The following RARB variants were observed in gnomAD, a reference collection of about 807,000 sequenced individuals.
RARB encodes the protein retinoic acid receptor beta, also known as HBV-activated protein.
In RARB, 17 loss-of-function variants were observed where a neutral mutation model predicts 51.9. The ratio of observed to expected loss-of-function variants is 0.33; its 90% CI spans 0.22 to 0.49. RARB has a LOEUF of 0.49. Among genes scored for constraint, RARB ranks in the 20% least tolerant of loss-of-function variants. The pLI is 0.99. For missense variants in RARB, 369 were observed against 550.8 expected, an observed-to-expected ratio of 0.67 and a Z score of 3.30; for synonymous variants, 215 against 195.4, an observed-to-expected ratio of 1.10 and a Z score of -0.84.
intron 5 of RARB, among the ~76,000 whole-genome samples, chr3:25,312,384 T>C (rs1447155181): frequency 6.6e-6 from 1 of 151,944 alleles, no homozygotes; most frequent in East Asian, 1.9e-4. Flanking sequence ...GATAAAGACC[T>C]AAGATTTTGA....
chr3:25,522,587 G>A lies in RARB; in HGVS notation c.448+21264G>A, dbSNP rs77946422. ...TAAAGTGTTGCCTGCTTGTTTGAGA[G>A]CAAATTTGGAGGTGGGAGGTAAAGA... is the stretch of plus-strand genomic sequence containing the variant. On this transcript the variant is annotated intron_variant, in intron 3 of 7. Transcript: ENST00000330688. Among the ~76,000 whole-genome samples the A allele has an allele frequency of 4.8e-3, 732 of 152,258 alleles. 7 individuals carry two copies. Among genetic ancestry groups the A allele is most frequent in the African/African-American group, 0.017 (693 of 41,536 alleles).
intron 3 of RARB, among the ~76,000 whole-genome samples, chr3:25,106,963 C>T (rs556081084): frequency 4.6e-5 from 7 of 151,842 alleles, no homozygotes; most frequent in East Asian, 1.9e-4. Context: ...TCCAGTGGCA[C>T]GATCTCAGCT....
At chr3:25,030,902 A>G (rs1326949233) in intron 2 of RARB, among the ~76,000 whole-genome samples, 1 of 152,174 alleles carries the variant, frequency 6.6e-6, no homozygotes, top group Non-Finnish European at 1.5e-5. Flanking sequence ...CCCTTTCAAC[A>G]GGGGCAGGCA....
intron 2 of RARB, among the ~76,000 whole-genome samples, chr3:24,905,007 G>A (rs1174169082): frequency 6.6e-6 from 1 of 151,894 alleles, no homozygotes. Flanking sequence ...ACAAGGGGAG[G>A]GATAGTATTA....
chr3:24,863,951 C>T (rs760712833), intron 2 of RARB, among the ~76,000 whole-genome samples: 4 of 152,024 alleles, frequency 2.6e-5, no homozygotes, highest in African/African-American at 4.8e-5. Context: ...AGGCTCTTGG[C>T]GCCACCCTAT....
At chr3:25,040,433 T>C (rs527540854) in intron 2 of RARB, among the ~76,000 whole-genome samples, 105 of 152,212 alleles carry the variant, frequency 6.9e-4, no homozygotes, top group African/African-American at 2.0e-3. Context: ...GTCCTTGATA[T>C]ATTAGAATTC....
chr3:25,192,760 G>GA (rs372642257), intron 5 of RARB, among the ~76,000 whole-genome samples: 4 of 152,088 alleles, frequency 2.6e-5, no homozygotes, highest in African/African-American at 9.6e-5. Context: ...TTGTTCTGTT[G>GA]AAAACACCAG....
chr3:25,561,336 C>T (rs1700260395), intron 3 of RARB, among the ~76,000 whole-genome samples: 1 of 152,172 alleles, frequency 6.6e-6, no homozygotes, highest in Non-Finnish European at 1.5e-5. Context: ...GGCATTTGGG[C>T]ACGTGTTACT....
chr3:24,867,512 C>T (rs2885593), intron 2 of RARB, among the ~76,000 whole-genome samples: 109,894 of 152,080 alleles, frequency 0.72, 40,680 homozygotes, highest in East Asian at 0.89. Flanking sequence ...TTTGAAGTAA[C>T]GACTGTTCAT....
intron 3 of RARB, among the ~76,000 whole-genome samples, chr3:25,118,321 T>A (rs1458554623): frequency 1.3e-5 from 2 of 152,154 alleles, no homozygotes; most frequent in African/African-American, 4.8e-5. Flanking sequence ...AGGTTCAACC[T>A]GATGTGGTCC....
chr3:25,597,624 G>A lies in RARB; in HGVS notation c.*1008G>A, dbSNP rs1162442096. 2 of 150,460 alleles carry A rather than the reference G, an allele frequency of 1.3e-5. No individual in the cohort carries two copies. Among genetic ancestry groups the A allele is most frequent in the Non-Finnish European group, 3.0e-5 (2 of 67,134 alleles). The allele number at this position is 150,460 out of a possible 1,614,324, so 9.3% of individuals were successfully genotyped here. The stretch of plus-strand genomic sequence containing the variant: ...TTTCCAGCCTTCTTGATGCCAAGGG[G>A]CTAATTAATATTAACAACTCCCAAA... On this transcript the variant is annotated 3_prime_UTR_variant, in exon 8 of 8. Coordinates refer to ENST00000330688, the MANE Select transcript of RARB (RefSeq NM_000965.5).
intron 5 of RARB, among the ~76,000 whole-genome samples, chr3:25,391,976 C>T (rs1329509550): frequency 6.6e-6 from 1 of 152,162 alleles, no homozygotes; most frequent in Non-Finnish European, 1.5e-5. Flanking sequence ...AAGCCAATGT[C>T]TAGAATGGTT....
At chr3:25,269,491 A>G (rs1025327870) in intron 5 of RARB, among the ~76,000 whole-genome samples, 3 of 152,142 alleles carry the variant, frequency 2.0e-5, no homozygotes, top group Non-Finnish European at 4.4e-5. Context: ...GCTTGTTTAT[A>G]CTTCAATTTC....
intron 2 of RARB, among the ~76,000 whole-genome samples, chr3:24,988,419 T>C (rs942499849): frequency 3.9e-5 from 6 of 152,190 alleles, no homozygotes; most frequent in African/African-American, 1.4e-4. Context: ...ATTTAACATG[T>C]TCTTTTCTAC....
At chr3:25,167,604 C>G (rs1487533516) in intron 4 of RARB, among the ~76,000 whole-genome samples, 1 of 152,118 alleles carries the variant, frequency 6.6e-6, no homozygotes, top group Non-Finnish European at 1.5e-5. Context: ...TGTAAGTAAG[C>G]AGAAGATAAA....
rs188773661 is a variant in RARB at position 25,133,165 on chromosome 3, A to G, written c.-280+957A>G. Among the ~76,000 whole-genome samples, 317 of 152,132 alleles carry G rather than the reference A, an allele frequency of 2.1e-3. 4 individuals are homozygous for G. Among genetic ancestry groups the G allele is most frequent in the African/African-American group, 7.3e-3 (304 of 41,552 alleles). On this transcript the variant is annotated intron_variant, in intron 4 of 11. Transcript: ENST00000383772. ...CTTAACCATATGTAAAAGGGGAAGT[A>G]TACGTGAAATAAATTTATTAAGATG...
At chr3:25,464,752 A>C in intron 2 of RARB, among the ~76,000 whole-genome samples, 1 of 152,146 alleles carries the variant, frequency 6.6e-6, no homozygotes, top group East Asian at 1.9e-4. Flanking sequence ...AACAACCATT[A>C]TTCTACCCTG....
chr3:25,459,505 A>T (rs1695067900), intron 1 of RARB, among the ~76,000 whole-genome samples: 2 of 152,314 alleles, frequency 1.3e-5, no homozygotes, highest in African/African-American at 4.8e-5. Context: ...AGTGAAACAG[A>T]TGGATTTTAA....
chr3:25,054,026 T>C (rs992799304), intron 2 of RARB, among the ~76,000 whole-genome samples: 1 of 152,158 alleles, frequency 6.6e-6, no homozygotes, highest in Non-Finnish European at 1.5e-5. Flanking sequence ...CTTGAGGAGT[T>C]CTTGGTTTCA....
Sources: gnomAD v4.1 joint callset for allele counts (sites outside exome capture counted in the v4.1 genomes callset) on GRCh38, gnomAD v4.1.1 for gene constraint, MANE v1.5 for transcripts, NCBI Gene and HGNC (gene_info 2026-07-23, HGNC 2026-07-21) for gene names.